Variants in PRKCZ observed in about 807,000 individuals in gnomAD.
The protein encoded by PRKCZ is protein kinase C zeta, also known as protein kinase C zeta type.
PRKCZ carries 33 observed loss-of-function variants against 79.5 expected under a neutral mutation model. The observed-to-expected ratio is 0.41, with a 90% CI of 0.31 to 0.55. The LOEUF (loss-of-function observed/expected upper bound fraction) is 0.55. PRKCZ is among the 20% of genes least tolerant of loss of function. PRKCZ has a pLI of 0.19. For missense variants in PRKCZ, 578 were observed against 813.5 expected (o/e 0.71, Z 3.52); for synonymous variants, 342 against 320.9 (o/e 1.07, Z -0.70).
In PRKCZ at chr1:2,064,770, A is replaced by G. The variant is rs192733429; in HGVS notation, c.334+5179A>G. On this transcript the variant is annotated intron_variant, in intron 4 of 17. Transcript: ENST00000378567. ...TTTTGATCACTGTAGCTTTGTAGGAAGTTTTGAAATCAGGAAGTGTGAGCC... is the reference window on the plus strand; with the variant it reads ...TTTTGATCACTGTAGCTTTGTAGGAGGTTTTGAAATCAGGAAGTGTGAGCC... Among the ~76,000 whole-genome samples the G allele has an allele frequency of 2.6e-4, 39 of 152,326 alleles. No individual in the cohort carries two copies. In the East Asian group the frequency reaches 6.9e-3, roughly 27 times the overall value.
chr1:2,052,139 G>A (rs1423295055), intron 1 of PRKCZ, among the ~76,000 whole-genome samples: 1 of 152,148 alleles, frequency 6.6e-6, no homozygotes, highest in African/African-American at 2.4e-5. Context: ...ATGGTGCGGA[G>A]CTCAGGGGAG....
chr1:2,067,182 G>A (rs1245990223), intron 4 of PRKCZ, among the ~76,000 whole-genome samples: 1 of 152,162 alleles, frequency 6.6e-6, no homozygotes, highest in Non-Finnish European at 1.5e-5. Context: ...TGAGTCTGTG[G>A]CTCACTTGTG....
intron 4 of PRKCZ, chr1:2,071,446 G>A (rs944895350): frequency 2.7e-5 from 8 of 301,090 alleles, no homozygotes; most frequent in Non-Finnish European, 5.4e-5. Context: ...CTGGGTGGGC[G>A]GGTTACCACG....
At position 2,174,358 on chromosome 1, in the gene PRKCZ, C is replaced by G. The variant is rs553332069; in HGVS notation, c.1405+342C>G. 2.0e-4 allele frequency among the ~76,000 whole-genome samples: 31 copies of G among 152,352 alleles called. No homozygotes were observed. The highest frequency in any genetic ancestry group is 2.1e-4 in the South Asian group (1 of 4,830). ...CCCCACCCCCAAAACCCACAGCCAC[C>G]ATCATGGGCTCCTTCCCACCTGGAG... On this transcript the variant is annotated intron_variant, in intron 14 of 17. Coordinates refer to ENST00000378567, the MANE Select transcript of PRKCZ (RefSeq NM_002744.6). This position sits in a 1 kb window ranked among gnomAD's most constrained non-coding sequence, Gnocchi z 6.2.
intron 4 of PRKCZ, among the ~76,000 whole-genome samples, chr1:2,060,531 A>G (rs921862810): frequency 6.7e-6 from 1 of 149,492 alleles, no homozygotes; most frequent in African/African-American, 2.4e-5. Flanking sequence ...GTGGGGCTGA[A>G]TAGAGGTTTG....
At chr1:2,138,535 TGAG>T (rs1214587932) in intron 5 of PRKCZ, among the ~76,000 whole-genome samples, 1 of 152,058 alleles carries the variant, frequency 6.6e-6, no homozygotes, top group African/African-American at 2.4e-5. Context: ...CAGTAAATCC[TGAG>T]GAGGTGATTG....
rs542040729 is a variant in PRKCZ at position 2,092,212 on chromosome 1, C to T, written c.334+32621C>T. ...TGTCCCCTCACCCCCGCCGCCCTCC[C>T]CCTGTTTTCCTACGGGAGGCGAATC... On this transcript the variant is annotated intron_variant, in intron 4 of 17. Transcript: ENST00000378567. Among the ~76,000 whole-genome samples, 7 of 152,200 alleles carry T rather than the reference C, an allele frequency of 4.6e-5. No homozygotes were observed. In the East Asian group the frequency reaches 1.3e-3, roughly 29 times the overall value.
chr1:2,074,862 T>TTA (rs572925491), intron 4 of PRKCZ: 32 of 144,602 alleles, frequency 2.2e-4, no homozygotes, highest in East Asian at 1.0e-3. Context: ...GTGTTTTTTT[T>TTA]AAAAAAAAAA....
chr1:2,061,123 A>AT (rs1660635744), intron 4 of PRKCZ, among the ~76,000 whole-genome samples: 1 of 152,128 alleles, frequency 6.6e-6, no homozygotes, highest in South Asian at 2.1e-4. Context: ...CACCTGGGTG[A>AT]TTTTTTGACT....
chr1:2,119,875 C>T (rs1671514622), intron 4 of PRKCZ, among the ~76,000 whole-genome samples: 1 of 151,720 alleles, frequency 6.6e-6, no homozygotes, highest in African/African-American at 2.4e-5. Flanking sequence ...CAGCCTCCAC[C>T]TCCCAGGTTC....
intron 3 of PRKCZ, 125 bp from the exon 4 acceptor site, chr1:2,059,416 G>T: frequency 1.7e-6 from 2 of 1,144,666 alleles, no homozygotes; most frequent in Non-Finnish European, 1.3e-6. Flanking sequence ...GCTCTCATTG[G>T]CAGTGCCACG....
chr1:2,099,292 G>A (rs1172427534), intron 4 of PRKCZ, among the ~76,000 whole-genome samples: 1 of 152,194 alleles, frequency 6.6e-6, no homozygotes, highest in African/African-American at 2.4e-5. Flanking sequence ...TCAGTGTGAC[G>A]TCTGAGACCT....
intron 11 of PRKCZ, among the ~76,000 whole-genome samples, chr1:2,170,870 A>G (rs1394485635): frequency 6.6e-6 from 1 of 152,228 alleles, no homozygotes; most frequent in African/African-American, 2.4e-5. Context: ...TGGAGGGGCC[A>G]CACTTTGCTT....
In PRKCZ at chr1:2,150,868, A is replaced by G; in HGVS notation, c.766A>G (p.Arg256Gly). 1 of 1,614,212 alleles carries G rather than the reference A, an allele frequency of 6.2e-7. No individual in the cohort carries two copies. Reference protein sequence around the residue: ...GLGLQDFDLIRVIGRGSYAKV... With the variant: ...GLGLQDFDLIGVIGRGSYAKV... ...TGGGCTGCAGGACTTTGACCTAATC[A>G]GAGTCATCGGGCGCGGGAGCTACGC... The change falls in exon 9 of 18, where the codon AGA becomes GGA. Residue 256 changes from arginine to glycine, a missense_variant. Transcript: ENST00000378567.
In PRKCZ at chr1:2,172,838, C is replaced by T. The variant is rs541806967; in HGVS notation, c.1285+450C>T. 3.3e-5 allele frequency among the ~76,000 whole-genome samples: 5 copies of T among 152,204 alleles called. No individual in the cohort carries two copies. The highest frequency in any genetic ancestry group is 2.0e-4 in the Admixed American group (3 of 15,300). The stretch of plus-strand genomic sequence containing the variant: ...TTTCTGCTCCTCTCCCCTCTCTGGG[C>T]GTGAAACGGGGACATGGGCACGCGT... On this transcript the variant is annotated intron_variant, in intron 13 of 17. Coordinates refer to ENST00000378567, the MANE Select transcript of PRKCZ (RefSeq NM_002744.6). The surrounding 1 kb of genome is among the most constrained non-coding windows in gnomAD (Gnocchi z 7.8).
Position 2,106,623 on chromosome 1 carries a change from A to G in PRKCZ, c.335-28639A>G, listed in dbSNP as rs61775410. On this transcript the variant is annotated intron_variant, in intron 4 of 17. Coordinates refer to ENST00000378567, the MANE Select transcript of PRKCZ (RefSeq NM_002744.6). ...CTCCACACGTGTCACCAGGCCAGGT[A>G]ACTCTCAGCAAGCCCCTCTGGTGGG... 6.4e-3 allele frequency among the ~76,000 whole-genome samples: 162 copies of G among 25,274 alleles called. 15 individuals carry two copies. Among genetic ancestry groups the G allele is most frequent in the Middle Eastern group, 0.025 (1 of 40 alleles). The allele number at this position is 25,274 out of a possible 152,430, so 16.6% of individuals were successfully genotyped here.
intron 4 of PRKCZ, among the ~76,000 whole-genome samples, chr1:2,061,385 G>A (rs1321442718): frequency 1.3e-5 from 2 of 151,540 alleles, no homozygotes; most frequent in African/African-American, 2.4e-5. Flanking sequence ...GCATTTGCTC[G>A]GCCACTGCAG....
chr1:2,181,006 CGTG>C (rs975837026), intron 16 of PRKCZ, among the ~76,000 whole-genome samples: 2 of 152,198 alleles, frequency 1.3e-5, no homozygotes, highest in African/African-American at 4.8e-5. Context: ...CTGCCCAGCA[CGTG>C]GGGCTCGTCC....
chr1:2,050,598 G>T lies in PRKCZ; in HGVS notation c.-33G>T. ...CCGCGCCATGGCCGGAGCTCCCGGG[G>T]CGCAGCGCTGACGGCGGCGGGGGGA... On this transcript the variant is annotated 5_prime_UTR_variant, in exon 1 of 18. Transcript: ENST00000378567. 1 of 1,206,954 alleles carries T rather than the reference G, an allele frequency of 8.3e-7. No individual in the cohort carries two copies. The highest frequency in any genetic ancestry group is 1.0e-6 in the Non-Finnish European group (1 of 968,354). The allele number at this position is 1,206,954 out of a possible 1,614,324, so 74.8% of individuals were successfully genotyped here. A position where few individuals can be genotyped will look rare whatever the true frequency, so the allele number is the denominator to read the frequency against.
Sources: gnomAD v4.1 joint callset for allele counts (sites outside exome capture counted in the v4.1 genomes callset) on GRCh38, gnomAD v4.1.1 for gene constraint, Gnocchi (gnomAD v3.1) non-coding constraint, MANE v1.5 for transcripts, NCBI Gene and HGNC (gene_info 2026-07-23, HGNC 2026-07-21) for gene names.